The following NDUFA9 variants were observed in gnomAD, a reference collection of about 807,000 sequenced individuals.
NDUFA9 encodes NADH dehydrogenase [ubiquinone] 1 alpha subcomplex subunit 9, mitochondrial.
NDUFA9 carries 23 observed loss-of-function variants against 45.9 expected under a neutral mutation model. That is an observed-to-expected ratio of 0.50 (90% CI 0.36 to 0.71). NDUFA9 has a LOEUF of 0.71. Ranked by LOEUF, NDUFA9 falls within the 30% of genes least tolerant of loss-of-function variation. NDUFA9 has a pLI of 0.00. For missense variants in NDUFA9, 466 were observed against 488.2 expected (o/e 0.95, Z 0.43); for synonymous variants, 176 against 170.5 (o/e 1.03, Z -0.25).
chr12:4,691,167 T>A lies in NDUFA9; in HGVS notation c.*4059T>A, dbSNP rs908648686. 1.3e-5 allele frequency: 2 copies of A among 152,120 alleles called. No individual in the cohort carries two copies. The highest frequency in any genetic ancestry group is 4.8e-5 in the African/African-American group (2 of 41,422). 9.4% of individuals were successfully genotyped at this position (152,120 alleles called of 1,614,324 possible). A position where few individuals can be genotyped will look rare whatever the true frequency, so the allele number is the denominator to read the frequency against. On this transcript the variant is annotated 3_prime_UTR_variant, in exon 11 of 11. Transcript: ENST00000266544. ...AGTTTTCTTGTTTATAAAATGGGGG[T>A]GATAGTAATAACTACATGATGGGAT...
In NDUFA9 at chr12:4,691,249, A is replaced by C. The variant is rs866417523; in HGVS notation, c.*4141A>C. The stretch of plus-strand genomic sequence containing the variant: ...TAAAATGCTGAGCCCTGCACATAAT[A>C]AGAACTAAGTAAATGTGAGCCATTA... On this transcript the variant is annotated 3_prime_UTR_variant, in exon 11 of 11. Coordinates refer to ENST00000266544, the MANE Select transcript of NDUFA9 (RefSeq NM_005002.5). 5.4e-4 allele frequency: 83 copies of C among 152,350 alleles called. No individual in the cohort carries two copies. The highest frequency in any genetic ancestry group is 1.9e-3 in the African/African-American group (81 of 41,580). The allele number at this position is 152,350 out of a possible 1,614,324, so 9.4% of individuals were successfully genotyped here.
rs768383801 is a variant in NDUFA9 at position 4,682,349 on chromosome 12, A to G, written c.896+49A>G. 1.4e-5 allele frequency: 20 copies of G among 1,384,796 alleles called. No homozygotes were observed. In the Admixed American group the frequency reaches 2.6e-4, roughly 18 times the overall value. 85.8% of individuals were successfully genotyped at this position (1,384,796 alleles called of 1,614,324 possible). ...TGACTTCTGAAAAAGCCAGCTCCAC[A>G]CACTTGTTCCTAATGTTCTCCCTTA... On this transcript the variant is annotated intron_variant, in intron 9 of 10. Transcript: ENST00000266544.
At chr12:4,661,921 G>C (rs893681143) in intron 5 of NDUFA9, among the ~76,000 whole-genome samples, 30 of 152,212 alleles carry the variant, frequency 2.0e-4, no homozygotes, top group Middle Eastern at 3.4e-3. Context: ...TTGGAGTTGA[G>C]CAGCTCAAGA....
Position 4,692,634 on chromosome 12 carries a change from T to G in NDUFA9, c.*5526T>G, listed in dbSNP as rs1259795572. ...CATCTTGATGGGGGAAATCTTTTAG[T>G]ACCCTAATGCGAGCAGATGATGATG... On this transcript the variant is annotated 3_prime_UTR_variant, in exon 11 of 11. Coordinates refer to ENST00000266544, the MANE Select transcript of NDUFA9 (RefSeq NM_005002.5). 6.6e-6 allele frequency: 1 copy of G among 152,182 alleles called. No homozygotes were observed. Among genetic ancestry groups the G allele is most frequent in the Non-Finnish European group, 1.5e-5 (1 of 68,052 alleles). 9.4% of individuals were successfully genotyped at this position (152,182 alleles called of 1,614,324 possible). A position where few individuals can be genotyped will look rare whatever the true frequency, so the allele number is the denominator to read the frequency against.
rs3210090 is a variant in NDUFA9, at chr12:4,687,178, C to T, written c.*70C>T. ...CATGTGGTTTGAGCACCCAGCCAGG[C>T]GGTCTCTTTAGAGGATCCTGTACAC... is the stretch of plus-strand genomic sequence containing the variant. On this transcript the variant is annotated 3_prime_UTR_variant, in exon 11 of 11. Transcript: ENST00000266544. 12 of 1,479,026 alleles carry T rather than the reference C, an allele frequency of 8.1e-6. No homozygotes were observed. The highest frequency in any genetic ancestry group is 6.0e-5 in the Admixed American group (3 of 49,840). The allele number at this position is 1,479,026 out of a possible 1,614,324, so 91.6% of individuals were successfully genotyped here. A position where few individuals can be genotyped will look rare whatever the true frequency, so the allele number is the denominator to read the frequency against.
At chr12:4,662,909 A>G (rs1278867390) in intron 6 of NDUFA9, among the ~76,000 whole-genome samples, 3 of 152,200 alleles carry the variant, frequency 2.0e-5, no homozygotes, top group Admixed American at 6.5e-5. Flanking sequence ...GACCTTGGCA[A>G]ATATTCGAAT....
Position 4,692,194 on chromosome 12 carries a change from T to A in NDUFA9, c.*5086T>A, listed in dbSNP as rs1169796825. 6.6e-6 allele frequency: 1 copy of A among 152,216 alleles called. No individual in the cohort carries two copies. Among genetic ancestry groups the A allele is most frequent in the Non-Finnish European group, 1.5e-5 (1 of 68,028 alleles). The allele number at this position is 152,216 out of a possible 1,614,324, so 9.4% of individuals were successfully genotyped here. A position where few individuals can be genotyped will look rare whatever the true frequency, so the allele number is the denominator to read the frequency against. On this transcript the variant is annotated 3_prime_UTR_variant, in exon 11 of 11. Transcript: ENST00000266544. ...ACCCAAATCTCATGTTGCAATGTAA[T>A]CTCCAGTGTTGGAGTTGGGGCCTAG...
chr12:4,668,575 T>G (rs941576315), intron 7 of NDUFA9, 51 bp downstream of exon 7: 1 of 1,478,414 alleles, frequency 6.8e-7, no homozygotes, highest in Non-Finnish European at 9.5e-7. Flanking sequence ...TGAATTCAGA[T>G]TTGAGTGATC....
chr12:4,658,028 A>G (rs971889095), intron 4 of NDUFA9, among the ~76,000 whole-genome samples, 189 bp downstream of exon 4: 4 of 152,206 alleles, frequency 2.6e-5, no homozygotes, highest in Admixed American at 6.5e-5. Flanking sequence ...AGTCTGGTAT[A>G]AGTCAGCAGT....
chr12:4,670,217 G>A (rs1945878148), intron 8 of NDUFA9, among the ~76,000 whole-genome samples: 1 of 152,174 alleles, frequency 6.6e-6, no homozygotes, highest in African/African-American at 2.4e-5. Flanking sequence ...AAAACGGGTG[G>A]TTTATAGCAC....
intron 1 of NDUFA9, among the ~76,000 whole-genome samples, chr12:4,651,365 C>T (rs1945758913): frequency 6.6e-6 from 1 of 151,980 alleles, no homozygotes; most frequent in Non-Finnish European, 1.5e-5. Flanking sequence ...TATTGAGCAC[C>T]TAGTATTTGC....
At position 4,693,933 on chromosome 12, in the gene NDUFA9, A is replaced by G. The variant is rs972488632; in HGVS notation, c.*6825A>G. 6.6e-6 allele frequency: 1 copy of G among 152,218 alleles called. No individual in the cohort carries two copies. The highest frequency in any genetic ancestry group is 1.5e-5 in the Non-Finnish European group (1 of 68,052). 9.4% of individuals were successfully genotyped at this position (152,218 alleles called of 1,614,324 possible). A position where few individuals can be genotyped will look rare whatever the true frequency, so the allele number is the denominator to read the frequency against. On this transcript the variant is annotated 3_prime_UTR_variant, in exon 11 of 11. Transcript: ENST00000266544. ...AGCTTTATAGCATCTGATTGGGGAA[A>G]AACACATCTTTTCTGGGGCTAGACA...
chr12:4,669,647 C>T (rs1322083245), intron 7 of NDUFA9, 94 bp from the exon 8 acceptor site: 1 of 799,968 alleles, frequency 1.3e-6, no homozygotes, highest in East Asian at 2.6e-5. Context: ...TTCCTTCCTT[C>T]CTTTTTCTCT....
intron 1 of NDUFA9, among the ~76,000 whole-genome samples, chr12:4,650,941 G>A (rs1945755944): frequency 6.6e-6 from 1 of 152,170 alleles, no homozygotes; most frequent in Non-Finnish European, 1.5e-5. Context: ...GCAGAGTTTA[G>A]ATCGGTAGTC....
At chr12:4,661,247 C>T (rs551387146) in intron 5 of NDUFA9, among the ~76,000 whole-genome samples, 1 of 152,150 alleles carries the variant, frequency 6.6e-6, no homozygotes, top group South Asian at 2.1e-4. Context: ...GTGGTTTTTC[C>T]TCTACTGTCT....
At chr12:4,652,036 CA>C (rs2137460395) in intron 1 of NDUFA9, among the ~76,000 whole-genome samples, 2 of 152,310 alleles carry the variant, frequency 1.3e-5, no homozygotes, top group African/African-American at 4.8e-5. Flanking sequence ...AAACCTCTAA[CA>C]TGTGCTTTTG....
At chr12:4,653,436 A>G (rs895002877) in intron 1 of NDUFA9, 2 of 283,710 alleles carry the variant, frequency 7.0e-6, no homozygotes, top group Admixed American at 5.3e-5. Context: ...GAGTTTCCCA[A>G]CTCCACAGGT....
At chr12:4,682,432 A>T (rs536369804) in intron 9 of NDUFA9, 132 bp downstream of exon 9, 2 of 493,564 alleles carry the variant, frequency 4.1e-6, no homozygotes. Context: ...TGACATTAGC[A>T]TAGAGAAGAA....
intron 6 of NDUFA9, among the ~76,000 whole-genome samples, chr12:4,663,398 C>A (rs958677491): frequency 2.0e-5 from 3 of 152,250 alleles, no homozygotes; most frequent in African/African-American, 7.2e-5. Context: ...GCCTTAACAC[C>A]ATTGTGAATT....
Sources: gnomAD v4.1 joint callset for allele counts (sites outside exome capture counted in the v4.1 genomes callset) on GRCh38, gnomAD v4.1.1 for gene constraint, MANE v1.5 for transcripts, NCBI Gene and HGNC (gene_info 2026-07-23, HGNC 2026-07-21) for gene names.